The following SETD3 variants were observed in gnomAD, a reference collection of about 807,000 sequenced individuals.
SETD3 encodes the protein actin-histidine N-methyltransferase.
A neutral mutation model predicts 63.0 loss-of-function variants in SETD3; 19 were observed. The observed-to-expected ratio is 0.30, with a 90% CI of 0.21 to 0.44. The LOEUF is 0.44. Ranked by LOEUF, SETD3 falls within the 20% of genes least tolerant of loss-of-function variation. SETD3 has a pLI of 1.00. For synonymous variants in SETD3, 286 were observed against 264.1 expected (o/e 1.08, Z -0.80); for missense variants, 587 against 728.5 (o/e 0.81, Z 2.24).
chr14:99,472,779 A>T (rs1440551202), intron 1 of SETD3, among the ~76,000 whole-genome samples: 1 of 152,232 alleles, frequency 6.6e-6, no homozygotes, highest in Non-Finnish European at 1.5e-5. Context: ...GAAATCAGGT[A>T]TAATTTACAA....
upstream of SETD3, chr14:99,480,955 A>T (rs1013180878): frequency 4.3e-4 from 66 of 152,550 alleles, no homozygotes; most frequent in African/African-American, 1.6e-3. Flanking sequence ...CACGCTTCGG[A>T]CGCATGGGCG....
intron 6 of SETD3, among the ~76,000 whole-genome samples, chr14:99,422,029 A>G (rs1892621316): frequency 6.6e-6 from 1 of 152,244 alleles, no homozygotes; most frequent in African/African-American, 2.4e-5. Flanking sequence ...AGGCAACATT[A>G]GCAAAACTAA....
At chr14:99,481,245 A>C, upstream of SETD3, 1 of 395,090 alleles carries the variant, frequency 2.5e-6, no homozygotes, top group Non-Finnish European at 4.5e-6. Flanking sequence ...CTCCCTCTGT[A>C]AGCAGCAGCC....
chr14:99,410,167 G>A, intron 8 of SETD3: 1 of 1,600,358 alleles, frequency 6.2e-7, no homozygotes, highest in Non-Finnish European at 8.6e-7. Context: ...CTAAGGAATG[G>A]AGGGTCTTAG....
chr14:99,411,773 G>A (rs1022221637), intron 8 of SETD3: 41 of 152,206 alleles, frequency 2.7e-4, no homozygotes, highest in African/African-American at 9.4e-4. Flanking sequence ...ATGAAAATAA[G>A]TTATAAAACA....
chr14:99,473,557 C>A (rs1895815338), intron 1 of SETD3, among the ~76,000 whole-genome samples: 1 of 152,144 alleles, frequency 6.6e-6, no homozygotes. Context: ...ATCTGTTTTT[C>A]AATGTATCCT....
At chr14:99,480,630 C>G (rs1193581996) in intron 1 of SETD3, 98 bp downstream of exon 1, 1 of 150,750 alleles carries the variant, frequency 6.6e-6, no homozygotes, top group Non-Finnish European at 1.5e-5. Context: ...GGCCGAGGGG[C>G]GCTGGCCAGG....
intron 1 of SETD3, among the ~76,000 whole-genome samples, chr14:99,471,089 AC>A (rs1423538861): frequency 2.0e-5 from 3 of 152,072 alleles, no homozygotes; most frequent in Admixed American, 6.6e-5. Context: ...CAGTCCCTGA[AC>A]CTCTGTGACC....
At chr14:99,407,995 A>G (rs1315162630) in intron 8 of SETD3, among the ~76,000 whole-genome samples, 2 of 152,090 alleles carry the variant, frequency 1.3e-5, no homozygotes, top group African/African-American at 4.8e-5. Context: ...GCAGCGCCCA[A>G]TCTCTTAGGT....
intron 1 of SETD3, chr14:99,478,661 G>C (rs1256355919): frequency 6.6e-6 from 1 of 152,106 alleles, no homozygotes; most frequent in East Asian, 1.9e-4. Context: ...CACAAACTAT[G>C]CACCTGGTTT....
At chr14:99,409,340 A>C (rs1289790333) in intron 8 of SETD3, among the ~76,000 whole-genome samples, 1 of 152,212 alleles carries the variant, frequency 6.6e-6, no homozygotes, top group East Asian at 1.9e-4. Context: ...AGCAAGTGGA[A>C]CTGAGAATAG....
chr14:99,430,319 T>C (rs1041440074), intron 6 of SETD3, among the ~76,000 whole-genome samples: 2 of 152,224 alleles, frequency 1.3e-5, no homozygotes, highest in African/African-American at 4.8e-5. Flanking sequence ...ATCTGCCCAC[T>C]TGAGGTTCTG....
Position 99,428,385 on chromosome 14 carries a change from C to T in SETD3, c.676-14451G>A, listed in dbSNP as rs1892997285. Among the ~76,000 whole-genome samples, 3 of 152,242 alleles carry T rather than the reference C, an allele frequency of 2.0e-5. No homozygotes were observed. The South Asian group carries it at 6.2e-4, about 32-fold the overall frequency. ...AGGGGTTGGGTGCAGTGGCTCACAC[C>T]TGTAATCCTAGCATTTTGGGAGGCC... is the stretch of plus-strand genomic sequence containing the variant. On this transcript the variant is annotated intron_variant, in intron 6 of 12. Coordinates refer to ENST00000331768, the MANE Select transcript of SETD3 (RefSeq NM_032233.3).
intron 6 of SETD3, among the ~76,000 whole-genome samples, chr14:99,441,425 C>G (rs1378267080): frequency 4.6e-5 from 7 of 152,218 alleles, no homozygotes; most frequent in Admixed American, 4.6e-4. Flanking sequence ...GCGGCAGTGC[C>G]ACAGTGGTGC....
chr14:99,420,550 C>CCACATTCCTCTT (rs1892530312), intron 6 of SETD3, among the ~76,000 whole-genome samples: 1 of 152,106 alleles, frequency 6.6e-6, no homozygotes, highest in Non-Finnish European at 1.5e-5. Flanking sequence ...TCAGAAAGCT[C>CCACATTCCTCTT]CAGCCCATGT....
chr14:99,402,324 T>C (rs8006163), intron 11 of SETD3, among the ~76,000 whole-genome samples: 60,499 of 152,140 alleles, frequency 0.4, 12,902 homozygotes, highest in East Asian at 0.56. Context: ...ACGTGGGCTC[T>C]GGAGTTAACA....
chr14:99,479,729 G>A (rs1896164919), intron 1 of SETD3, among the ~76,000 whole-genome samples: 1 of 152,188 alleles, frequency 6.6e-6, no homozygotes, highest in Non-Finnish European at 1.5e-5. Context: ...GTAACTCTTC[G>A]AGGATTCTTA....
In SETD3 at chr14:99,436,121, A is replaced by G. The variant is rs181352211; in HGVS notation, c.675+22158T>C. Reference sequence around the variant, plus strand: ...TGTAAGAACTCACTATCACAAGAACAACATGGGGGAAACCGCCTCCATGAT... The same window carrying G: ...TGTAAGAACTCACTATCACAAGAACGACATGGGGGAAACCGCCTCCATGAT... On this transcript the variant is annotated intron_variant, in intron 6 of 12. Transcript: ENST00000331768. Among the ~76,000 whole-genome samples the G allele has an allele frequency of 2.8e-3, 419 of 152,200 alleles. 1 individual carries two copies. The highest frequency in any genetic ancestry group is 9.4e-3 in the African/African-American group (389 of 41,532).
chr14:99,399,217 G>A (rs893616767), intron 12 of SETD3, 92 bp from the exon 13 acceptor site: 17 of 1,098,214 alleles, frequency 1.5e-5, no homozygotes, highest in Admixed American at 2.3e-5. Flanking sequence ...GGGACATGAG[G>A]GAACTTTTTG....
Sources: gnomAD v4.1 joint callset for allele counts (sites outside exome capture counted in the v4.1 genomes callset) on GRCh38, gnomAD v4.1.1 for gene constraint, MANE v1.5 for transcripts, NCBI Gene and HGNC (gene_info 2026-07-23, HGNC 2026-07-21) for gene names.